Variants in ASIC2 observed in about 807,000 individuals in gnomAD.
ASIC2 encodes the protein acid sensing ion channel subunit 2, also known as acid-sensing ion channel 2.
Under a neutral mutation model 57.3 loss-of-function variants are expected in ASIC2, and 25 were observed. The observed-to-expected ratio is 0.44, with a 90% confidence interval of 0.32 to 0.61. ASIC2 has a LOEUF of 0.61. ASIC2 is among the 20% of genes least tolerant of loss of function. The probability of loss-of-function intolerance (pLI) is 0.06; values close to 1 mark genes in which losing one functional copy is unlikely to be tolerated. For missense variants in ASIC2, 641 were observed against 738.1 expected (o/e 0.87, Z 1.52); for synonymous variants, 319 against 307.5 (o/e 1.04, Z -0.39).
intron 1 of ASIC2, among the ~76,000 whole-genome samples, chr17:34,092,960 T>C (rs1910385463): frequency 6.6e-6 from 1 of 152,242 alleles, no homozygotes; most frequent in South Asian, 2.1e-4. Context: ...AAAATATGCA[T>C]ATTTGTCTGA....
chr17:33,735,548 G>T (rs1909884381), intron 1 of ASIC2, among the ~76,000 whole-genome samples: 1 of 152,174 alleles, frequency 6.6e-6, no homozygotes, highest in Non-Finnish European at 1.5e-5. Context: ...GAGTCACATA[G>T]TGTGGGTGGA....
chr17:33,438,767 C>T (rs1476640006), intron 1 of ASIC2, among the ~76,000 whole-genome samples: 2 of 151,706 alleles, frequency 1.3e-5, no homozygotes, highest in African/African-American at 4.8e-5. Flanking sequence ...ACATGAGGCA[C>T]ATGACCTGGC....
intron 1 of ASIC2, among the ~76,000 whole-genome samples, chr17:33,514,162 A>G (rs1471976376): frequency 2.6e-5 from 4 of 151,938 alleles, no homozygotes; most frequent in African/African-American, 7.3e-5. Context: ...CTGGCTCTGA[A>G]CCTTTGCCTT....
intron 1 of ASIC2, among the ~76,000 whole-genome samples, chr17:33,867,952 T>G (rs936013480): frequency 6.6e-6 from 1 of 152,200 alleles, no homozygotes; most frequent in African/African-American, 2.4e-5. Context: ...CCCAAGATGA[T>G]GCATGCAAGT....
chr17:33,166,779 A>G (rs1011481988), intron 1 of ASIC2, among the ~76,000 whole-genome samples: 2 of 152,262 alleles, frequency 1.3e-5, no homozygotes, highest in African/African-American at 4.8e-5. Context: ...ACCGAACGGT[A>G]TTGCATAAAG....
At chr17:33,648,968 G>T (rs1019030273) in intron 1 of ASIC2, among the ~76,000 whole-genome samples, 40 of 152,216 alleles carry the variant, frequency 2.6e-4, no homozygotes, top group Non-Finnish European at 5.7e-4. Flanking sequence ...AATACTCGAT[G>T]CTGAAAGACC....
intron 1 of ASIC2, among the ~76,000 whole-genome samples, chr17:34,095,672 G>T (rs2189331): frequency 0.56 from 58,835 of 105,418 alleles, 14,823 homozygotes; most frequent in Middle Eastern, 0.65. Context: ...TATATATATA[G>T]AGAGAGAGAT....
At chr17:33,924,636 C>T (rs1915785287) in intron 1 of ASIC2, among the ~76,000 whole-genome samples, 2 of 152,124 alleles carry the variant, frequency 1.3e-5, no homozygotes, top group South Asian at 2.1e-4. Context: ...GTCATCTTTC[C>T]CTTCATCCCA....
At chr17:33,237,529 T>C (rs1258449699) in intron 1 of ASIC2, among the ~76,000 whole-genome samples, 1 of 152,130 alleles carries the variant, frequency 6.6e-6, no homozygotes, top group Non-Finnish European at 1.5e-5. Context: ...TTTGTGTTTT[T>C]AGTAGAGATG....
chr17:33,740,643 C>CT (rs1226501071), intron 1 of ASIC2, among the ~76,000 whole-genome samples: 1 of 152,154 alleles, frequency 6.6e-6, no homozygotes, highest in Non-Finnish European at 1.5e-5. Flanking sequence ...GGAACATAGA[C>CT]ATCAGATGGG....
chr17:33,812,509 G>C (rs1250990843), intron 1 of ASIC2, among the ~76,000 whole-genome samples: 4 of 152,102 alleles, frequency 2.6e-5, no homozygotes, highest in Admixed American at 2.6e-4. Context: ...TTCCAGGGTG[G>C]GGAGGATTAC....
chr17:33,945,881 C>T (rs913631815), intron 1 of ASIC2, among the ~76,000 whole-genome samples: 1 of 152,222 alleles, frequency 6.6e-6, no homozygotes, highest in Non-Finnish European at 1.5e-5. Context: ...GCCCCACTGA[C>T]CACAAGTCTC....
At chr17:33,419,827 C>T (rs929141124) in intron 1 of ASIC2, among the ~76,000 whole-genome samples, 5 of 151,764 alleles carry the variant, frequency 3.3e-5, no homozygotes, top group Admixed American at 2.6e-4. Flanking sequence ...GAATGAGGTT[C>T]ATCTAGTCGT....
In ASIC2 at chr17:33,720,158, G is replaced by C. The variant is rs148653312; in HGVS notation, c.555+435820C>G. On this transcript the variant is annotated intron_variant, in intron 1 of 9. Coordinates refer to the ASIC2 transcript ENST00000359872. ...GCCTCCCAAAGCATTAGAATTATAG[G>C]TGTGAGCCACCAAGCCTGCCAAGGG... is the stretch of plus-strand genomic sequence containing the variant. Among the ~76,000 whole-genome samples the C allele has an allele frequency of 6.0e-4, 91 of 152,282 alleles. 1 individual carries two copies. In the East Asian group the frequency reaches 0.017, roughly 28 times the overall value.
At chr17:33,104,657 CAAGG>C (rs1351850507) in intron 2 of ASIC2, among the ~76,000 whole-genome samples, 1 of 152,190 alleles carries the variant, frequency 6.6e-6, no homozygotes, top group Non-Finnish European at 1.5e-5. Flanking sequence ...AAAAAATAGA[CAAGG>C]AGGATGGCAG....
chr17:33,454,224 G>A (rs557393511), intron 1 of ASIC2, among the ~76,000 whole-genome samples: 1 of 152,338 alleles, frequency 6.6e-6, no homozygotes, highest in South Asian at 2.1e-4. Flanking sequence ...GAAGTAAAGA[G>A]ACAGGAAGAG....
chr17:33,697,024 T>C (rs1309381216), intron 1 of ASIC2, among the ~76,000 whole-genome samples: 2 of 152,124 alleles, frequency 1.3e-5, no homozygotes, highest in Admixed American at 6.5e-5. Context: ...GTCCTCACAA[T>C]AGTGAGTTCT....
intron 1 of ASIC2, among the ~76,000 whole-genome samples, chr17:33,935,067 C>T (rs1916030855): frequency 6.6e-6 from 1 of 152,266 alleles, no homozygotes; most frequent in South Asian, 2.1e-4. Flanking sequence ...CCTGTGAGCC[C>T]TGCCTGCAAG....
chr17:33,192,503 G>A (rs1244459212), intron 1 of ASIC2, among the ~76,000 whole-genome samples: 1 of 152,164 alleles, frequency 6.6e-6, no homozygotes, highest in Admixed American at 6.5e-5. Context: ...TGCTATTAAT[G>A]GTGACATTTA....
Sources: gnomAD v4.1 joint callset for allele counts (sites outside exome capture counted in the v4.1 genomes callset) on GRCh38, gnomAD v4.1.1 for gene constraint, MANE v1.5 for transcripts, NCBI Gene and HGNC (gene_info 2026-07-23, HGNC 2026-07-21) for gene names.